PLGRKT: variants seen among roughly 807,000 people sequenced by gnomAD.
The protein encoded by PLGRKT is plasminogen receptor (KT).
PLGRKT carries 22 observed loss-of-function variants against 18.5 expected under a neutral mutation model. The ratio of observed to expected loss-of-function variants is 1.19; its 90% CI spans 0.85 to 1.70. PLGRKT has a LOEUF of 1.70. Among genes scored for constraint, PLGRKT ranks in the 40% most tolerant of loss-of-function variants. The probability of loss-of-function intolerance (pLI) is 0.00; values close to 1 mark genes in which losing one functional copy is unlikely to be tolerated. For synonymous variants in PLGRKT, 72 were observed against 52.8 expected, an observed-to-expected ratio of 1.36 and a Z score of -1.58; for missense variants, 235 against 174.4, an observed-to-expected ratio of 1.35 and a Z score of -1.96.
chr9:5,401,012 A>C (rs1020232526), intron 3 of PLGRKT, among the ~76,000 whole-genome samples: 5 of 151,936 alleles, frequency 3.3e-5, no homozygotes, highest in Non-Finnish European at 7.4e-5. Flanking sequence ...ATCTTAAGAT[A>C]GTTGGCTTAA....
chr9:5,382,375 G>A (rs1817763484), intron 3 of PLGRKT, among the ~76,000 whole-genome samples: 1 of 152,192 alleles, frequency 6.6e-6, no homozygotes, highest in Non-Finnish European at 1.5e-5. Context: ...GCCTCTGTGA[G>A]GAAATGACGT....
intron 3 of PLGRKT, among the ~76,000 whole-genome samples, chr9:5,363,935 T>A (rs1007684976): frequency 6.6e-6 from 1 of 152,220 alleles, no homozygotes; most frequent in South Asian, 2.1e-4. Context: ...TGCACAAGAT[T>A]AGTGTGTGAA....
chr9:5,386,312 G>C (rs1055913824), intron 3 of PLGRKT, among the ~76,000 whole-genome samples: 2 of 151,804 alleles, frequency 1.3e-5, no homozygotes, highest in Non-Finnish European at 2.9e-5. Flanking sequence ...GTAATTCCCT[G>C]ATACCTTTAG....
chr9:5,430,125 C>G (rs914844460), intron 3 of PLGRKT, among the ~76,000 whole-genome samples: 5 of 152,354 alleles, frequency 3.3e-5, no homozygotes, highest in African/African-American at 9.6e-5. Flanking sequence ...GGGGAATTAA[C>G]ACCACCACGC....
At chr9:5,406,673 G>A (rs1473677565) in intron 3 of PLGRKT, among the ~76,000 whole-genome samples, 1 of 152,082 alleles carries the variant, frequency 6.6e-6, no homozygotes, top group Non-Finnish European at 1.5e-5. Flanking sequence ...TAATACCTAG[G>A]TGATGGGTTG....
At chr9:5,434,368 C>T (rs538120501) in intron 2 of PLGRKT, among the ~76,000 whole-genome samples, 13 of 144,542 alleles carry the variant, frequency 9.0e-5, no homozygotes, top group African/African-American at 1.8e-4. Context: ...TCTGCCCGGC[C>T]GCCCCATTTG....
intron 2 of PLGRKT, among the ~76,000 whole-genome samples, chr9:5,434,081 G>T (rs1320564896): frequency 2.7e-5 from 4 of 149,358 alleles, no homozygotes; most frequent in African/African-American, 1.0e-4. Context: ...TCTGGGAAGT[G>T]AGGAGTGCCT....
At chr9:5,387,401 T>G (rs1203109264) in intron 3 of PLGRKT, among the ~76,000 whole-genome samples, 1 of 151,878 alleles carries the variant, frequency 6.6e-6, no homozygotes, top group African/African-American at 2.4e-5. Context: ...TTAATCCACA[T>G]GACCATCAAC....
chr9:5,428,086 C>T (rs1442125729), intron 3 of PLGRKT, among the ~76,000 whole-genome samples: 4 of 152,068 alleles, frequency 2.6e-5, no homozygotes, highest in Admixed American at 6.5e-5. Flanking sequence ...AACAAGGCGA[C>T]GTGGCGATGG....
intron 3 of PLGRKT, among the ~76,000 whole-genome samples, chr9:5,386,277 G>C (rs1245113272): frequency 6.6e-6 from 1 of 151,820 alleles, no homozygotes; most frequent in Non-Finnish European, 1.5e-5. Context: ...CCAAAGCCCA[G>C]CAGTGGTCAA....
At chr9:5,386,435 G>A (rs986720494) in intron 3 of PLGRKT, among the ~76,000 whole-genome samples, 1 of 151,816 alleles carries the variant, frequency 6.6e-6, no homozygotes, top group Non-Finnish European at 1.5e-5. Flanking sequence ...TATGCTACTG[G>A]CATCTAGTGG....
At chr9:5,398,851 T>C (rs958102470) in intron 3 of PLGRKT, among the ~76,000 whole-genome samples, 1 of 151,850 alleles carries the variant, frequency 6.6e-6, no homozygotes, top group Admixed American at 6.5e-5. Flanking sequence ...TTTGATGTAT[T>C]ATTTTGAGCT....
At chr9:5,393,171 G>C (rs556379311) in intron 3 of PLGRKT, among the ~76,000 whole-genome samples, 2 of 151,874 alleles carry the variant, frequency 1.3e-5, no homozygotes, top group East Asian at 3.9e-4. Flanking sequence ...AACTATTTGC[G>C]ACATTATAAT....
chr9:5,360,037 G>C (rs753258942), intron 5 of PLGRKT, among the ~76,000 whole-genome samples: 3 of 152,196 alleles, frequency 2.0e-5, no homozygotes, highest in Non-Finnish European at 2.9e-5. Context: ...GCTGATGAGA[G>C]AGTATAATGG....
chr9:5,404,242 T>G (rs531899317), intron 3 of PLGRKT, among the ~76,000 whole-genome samples: 13 of 152,028 alleles, frequency 8.6e-5, no homozygotes, highest in Middle Eastern at 3.4e-3. Context: ...TCCAAACAAT[T>G]GAAAAGGAGG....
chr9:5,363,014 T>A (rs1817300811), intron 3 of PLGRKT, among the ~76,000 whole-genome samples: 1 of 151,790 alleles, frequency 6.6e-6, no homozygotes, highest in African/African-American at 2.4e-5. Context: ...CCAAGGGGTG[T>A]GGAGGAAGTC....
intron 3 of PLGRKT, among the ~76,000 whole-genome samples, chr9:5,426,750 G>A (rs1172994330): frequency 1.3e-5 from 2 of 152,262 alleles, no homozygotes; most frequent in Middle Eastern, 3.4e-3. Context: ...TGTGTTTGCA[G>A]TAAGCAACCC....
chr9:5,388,800 GAAT>G (rs1334786636), intron 3 of PLGRKT, among the ~76,000 whole-genome samples: 1 of 152,030 alleles, frequency 6.6e-6, no homozygotes, highest in Non-Finnish European at 1.5e-5. Context: ...TACAAAGTGG[GAAT>G]AATAAAAGTG....
chr9:5,387,398 A>G (rs556545517), intron 3 of PLGRKT, among the ~76,000 whole-genome samples: 1 of 152,090 alleles, frequency 6.6e-6, no homozygotes, highest in South Asian at 2.1e-4. Flanking sequence ...GAATTAATCC[A>G]CATGACCATC....
Sources: allele counts gnomAD v4.1 joint callset (sites outside exome capture counted in the v4.1 genomes callset), GRCh38; gene constraint gnomAD v4.1.1; transcripts MANE v1.5; gene names NCBI Gene and HGNC (gene_info 2026-07-23, HGNC 2026-07-21).